APBB2: variants seen among roughly 807,000 people sequenced by gnomAD.
APBB2 encodes amyloid beta precursor protein binding family B member 2.
In APBB2, 38 loss-of-function variants were observed where a neutral mutation model predicts 82.5. The observed-to-expected ratio is 0.46, with a 90% CI of 0.36 to 0.60. APBB2 has a LOEUF of 0.60. Among genes scored for constraint, APBB2 ranks in the 20% least tolerant of loss-of-function variants. The pLI is 0.00. For missense variants in APBB2, 772 were observed against 972.3 expected, an observed-to-expected ratio of 0.79 and a Z score of 2.74; for synonymous variants, 341 against 368.2, an observed-to-expected ratio of 0.93 and a Z score of 0.85.
At chr4:40,862,482 T>C (rs1013986396) in intron 12 of APBB2, among the ~76,000 whole-genome samples, 1 of 152,222 alleles carries the variant, frequency 6.6e-6, no homozygotes, top group Non-Finnish European at 1.5e-5. Flanking sequence ...TGTATGACAC[T>C]TGCATAATCA....
chr4:41,048,793 C>T (rs1724430591), intron 4 of APBB2, among the ~76,000 whole-genome samples: 1 of 152,260 alleles, frequency 6.6e-6, no homozygotes, highest in Non-Finnish European at 1.5e-5. Flanking sequence ...CTGCCTCAGC[C>T]TGCAGAGTGC....
intron 11 of APBB2, among the ~76,000 whole-genome samples, chr4:40,891,527 G>A (rs933439974): frequency 6.6e-6 from 1 of 152,108 alleles, no homozygotes; most frequent in Non-Finnish European, 1.5e-5. Context: ...ATAGTTTTGG[G>A]GAATGATGTT....
At chr4:41,010,265 T>C (rs1298235943) in intron 6 of APBB2, among the ~76,000 whole-genome samples, 1 of 152,218 alleles carries the variant, frequency 6.6e-6, no homozygotes, top group Non-Finnish European at 1.5e-5. Context: ...TCACAGCTAA[T>C]ACATTTTTTC....
At chr4:41,000,836 G>T (rs1805004843) in intron 6 of APBB2, among the ~76,000 whole-genome samples, 1 of 151,978 alleles carries the variant, frequency 6.6e-6, no homozygotes, top group South Asian at 2.1e-4. Context: ...TCTAACTTGG[G>T]GCCCTTGTTC....
At chr4:41,065,151 G>A (rs775326666) in intron 4 of APBB2, among the ~76,000 whole-genome samples, 5 of 151,866 alleles carry the variant, frequency 3.3e-5, no homozygotes, top group East Asian at 3.9e-4. Flanking sequence ...AGCCAGGCAC[G>A]GTGGCACATC....
chr4:40,901,116 G>A (rs1399919299), intron 10 of APBB2, among the ~76,000 whole-genome samples: 1 of 152,118 alleles, frequency 6.6e-6, no homozygotes, highest in African/African-American at 2.4e-5. Flanking sequence ...TCTCAGGTCG[G>A]CCACTTATTA....
intron 6 of APBB2, among the ~76,000 whole-genome samples, chr4:40,997,725 A>T (rs549500268): frequency 1.3e-5 from 2 of 152,342 alleles, no homozygotes; most frequent in South Asian, 4.1e-4. Flanking sequence ...ATAAATGATA[A>T]CATTGCTGGC....
chr4:40,828,051 C>A (rs1184963496), intron 13 of APBB2, among the ~76,000 whole-genome samples: 1 of 152,122 alleles, frequency 6.6e-6, no homozygotes, highest in African/African-American at 2.4e-5. Flanking sequence ...GTAAGACGTG[C>A]CTTTCACCTT....
chr4:40,813,440 T>C lies in APBB2; in HGVS notation c.*2652A>G, dbSNP rs1011498978. 2.6e-5 allele frequency: 4 copies of C among 152,182 alleles called. No individual in the cohort carries two copies. Among genetic ancestry groups the C allele is most frequent in the Admixed American group, 2.0e-4 (3 of 15,276 alleles). The allele number at this position is 152,182 out of a possible 1,614,324, so 9.4% of individuals were successfully genotyped here. A position where few individuals can be genotyped will look rare whatever the true frequency, so the allele number is the denominator to read the frequency against. The stretch of plus-strand genomic sequence containing the variant: ...AGATAACTGAAGTGTCACTAAGATA[T>C]CAGGTAAAACATTGGCATCCTTTTA... On this transcript the variant is annotated 3_prime_UTR_variant, in exon 18 of 18. Coordinates refer to ENST00000508593, the MANE Select transcript of APBB2 (RefSeq NM_004307.2).
At chr4:40,827,359 ATCTC>A in intron 13 of APBB2, 140 bp from the exon 14 acceptor site, 6 of 639,418 alleles carry the variant, frequency 9.4e-6, no homozygotes, top group Non-Finnish European at 1.4e-5. Context: ...CCACCCCTGC[ATCTC>A]TGGGGCTACA....
At chr4:41,083,604 C>G (rs905316195) in intron 3 of APBB2, among the ~76,000 whole-genome samples, 3 of 141,398 alleles carry the variant, frequency 2.1e-5, no homozygotes, top group African/African-American at 7.7e-5. Context: ...AGGAGAATCG[C>G]TTGAACCCAG....
chr4:41,164,706 T>C (rs114653616), intron 1 of APBB2, among the ~76,000 whole-genome samples: 4,193 of 152,338 alleles, frequency 0.028, 85 homozygotes, highest in Middle Eastern at 0.058. Flanking sequence ...AAACAGCTAG[T>C]TTATCCTCTG....
chr4:40,890,861 A>G (rs953576376), intron 11 of APBB2: 3 of 167,452 alleles, frequency 1.8e-5, no homozygotes, highest in African/African-American at 7.2e-5. Context: ...GTCTCTCCCC[A>G]TTCTTCTGGC....
intron 10 of APBB2, among the ~76,000 whole-genome samples, chr4:40,910,835 A>G (rs1014226471): frequency 2.0e-5 from 3 of 152,242 alleles, no homozygotes; most frequent in Non-Finnish European, 2.9e-5. Flanking sequence ...TAGTTTCCTC[A>G]TCTGCATCAC....
At chr4:41,093,800 G>C (rs1742594280) in intron 3 of APBB2, among the ~76,000 whole-genome samples, 1 of 151,600 alleles carries the variant, frequency 6.6e-6, no homozygotes, top group African/African-American at 2.4e-5. Flanking sequence ...GTTGCGGTGA[G>C]CCAAGATTGT....
At position 41,127,308 on chromosome 4, in the gene APBB2, T is replaced by C. The variant is rs905277230; in HGVS notation, c.-261+15679A>G. 6.6e-6 allele frequency among the ~76,000 whole-genome samples: 1 copy of C among 152,212 alleles called. No individual in the cohort carries two copies. The highest frequency in any genetic ancestry group is 1.5e-5 in the Non-Finnish European group (1 of 68,034). Reference sequence around the variant, plus strand: ...AAGCACCAGTTGCCAGTCCACATTTTATAAGCATTTGTACTGCGACAATAC... The same window carrying C: ...AAGCACCAGTTGCCAGTCCACATTTCATAAGCATTTGTACTGCGACAATAC... On this transcript the variant is annotated intron_variant, in intron 2 of 17. Transcript: ENST00000508593. This position sits in a 1 kb window ranked among gnomAD's most constrained non-coding sequence, Gnocchi z 4.8.
At chr4:41,096,393 T>A (rs1313995851) in intron 3 of APBB2, among the ~76,000 whole-genome samples, 2 of 152,222 alleles carry the variant, frequency 1.3e-5, no homozygotes, top group Non-Finnish European at 2.9e-5. Context: ...ACGGTATGGC[T>A]TCCAAACTTA....
rs1745063507 is a variant in APBB2, at chr4:40,814,288, C to T, written c.*1804G>A. ...CTGCGTAAGGAATTTGGACATCTTT[C>T]TCCCACTCGTGTAGGGAATTCTAAG... On this transcript the variant is annotated 3_prime_UTR_variant, in exon 18 of 18. Coordinates refer to ENST00000508593, the MANE Select transcript of APBB2 (RefSeq NM_004307.2). 1 of 152,248 alleles carries T rather than the reference C, an allele frequency of 6.6e-6. No individual in the cohort carries two copies. Among genetic ancestry groups the T allele is most frequent in the East Asian group, 1.9e-4 (1 of 5,196 alleles). 9.4% of individuals were successfully genotyped at this position (152,248 alleles called of 1,614,324 possible). A position where few individuals can be genotyped will look rare whatever the true frequency, so the allele number is the denominator to read the frequency against.
chr4:41,061,310 G>A lies in APBB2; in HGVS notation c.-51+4266C>T, dbSNP rs555618366. On this transcript the variant is annotated intron_variant, in intron 4 of 17. Transcript: ENST00000508593. ...AGAAATACATTCTGAGAAATGCATCGTTGGGCGATTTCATTGCTGTGCAAA... is the reference window on the plus strand; with the variant it reads ...AGAAATACATTCTGAGAAATGCATCATTGGGCGATTTCATTGCTGTGCAAA... 3.6e-4 allele frequency among the ~76,000 whole-genome samples: 55 copies of A among 152,308 alleles called. 1 individual carries two copies. The South Asian group carries it at 5.0e-3, about 14-fold the overall frequency.
Sources: allele counts gnomAD v4.1 joint callset (sites outside exome capture counted in the v4.1 genomes callset), GRCh38; gene constraint gnomAD v4.1.1; non-coding constraint Gnocchi (gnomAD v3.1); transcripts MANE v1.5; gene names NCBI Gene and HGNC (gene_info 2026-07-23, HGNC 2026-07-21).